Variants in CACNA2D3 observed in about 807,000 individuals in gnomAD.
CACNA2D3 encodes calcium voltage-gated channel auxiliary subunit alpha2delta 3.
In CACNA2D3, 60 loss-of-function variants were observed where a neutral mutation model predicts 160.6. The ratio of observed to expected loss-of-function variants is 0.37; its 90% CI spans 0.30 to 0.46. The LOEUF is 0.46. Among genes scored for constraint, CACNA2D3 ranks in the 20% least tolerant of loss-of-function variants. The pLI, the probability that CACNA2D3 is intolerant of heterozygous loss-of-function variation, is 1.00. For synonymous variants in CACNA2D3, 558 were observed against 492.9 expected (o/e 1.13, Z -1.75); for missense variants, 1,205 against 1,365.0 (o/e 0.88, Z 1.85).
chr3:54,439,000 G>A (rs1202297184), intron 4 of CACNA2D3, among the ~76,000 whole-genome samples: 1 of 152,156 alleles, frequency 6.6e-6, no homozygotes, highest in East Asian at 1.9e-4. Context: ...CCAATCAGTC[G>A]ACCAGGTGTG....
chr3:54,685,278 A>G (rs1455943134), intron 11 of CACNA2D3, among the ~76,000 whole-genome samples: 5 of 152,224 alleles, frequency 3.3e-5, no homozygotes, highest in African/African-American at 9.6e-5. Flanking sequence ...GTTTTTCTGC[A>G]AAGTGCCAGA....
At chr3:54,640,149 T>C (rs1450341566) in intron 10 of CACNA2D3, among the ~76,000 whole-genome samples, 1 of 152,198 alleles carries the variant, frequency 6.6e-6, no homozygotes, top group Non-Finnish European at 1.5e-5. Flanking sequence ...CATCTGGGCG[T>C]GTACGTGCAT....
At chr3:54,839,108 A>G (rs1303170987) in intron 16 of CACNA2D3, among the ~76,000 whole-genome samples, 1 of 152,108 alleles carries the variant, frequency 6.6e-6, no homozygotes, top group Non-Finnish European at 1.5e-5. Flanking sequence ...ATACAAAACA[A>G]TTAGCCGGTC....
chr3:54,642,905 C>T (rs1217642893), intron 11 of CACNA2D3, among the ~76,000 whole-genome samples: 1 of 152,062 alleles, frequency 6.6e-6, no homozygotes, highest in African/African-American at 2.4e-5. Flanking sequence ...TTATGTGTAT[C>T]CTACCCCACC....
chr3:55,032,646 C>T (rs759788608), intron 35 of CACNA2D3, among the ~76,000 whole-genome samples: 4 of 152,142 alleles, frequency 2.6e-5, no homozygotes, highest in Non-Finnish European at 5.9e-5. Flanking sequence ...CAGCAAGTCA[C>T]TTCCCCTCTT....
At chr3:54,193,002 A>G (rs79855560) in intron 2 of CACNA2D3, among the ~76,000 whole-genome samples, 3,466 of 152,310 alleles carry the variant, frequency 0.023, 204 homozygotes, top group East Asian at 0.17. Context: ...CATACCTGGG[A>G]TGAGGAGGCT....
chr3:54,665,466 T>C (rs1398294938), intron 11 of CACNA2D3, among the ~76,000 whole-genome samples: 2 of 152,224 alleles, frequency 1.3e-5, no homozygotes, highest in Admixed American at 6.5e-5. Context: ...CCACAGAACT[T>C]GGAAATGAAA....
intron 17 of CACNA2D3, among the ~76,000 whole-genome samples, chr3:54,865,736 G>A (rs1699387567): frequency 6.6e-6 from 1 of 152,220 alleles, no homozygotes; most frequent in Admixed American, 6.5e-5. Context: ...CATGGGGGCA[G>A]GGGCTGCTGC....
intron 17 of CACNA2D3, among the ~76,000 whole-genome samples, chr3:54,866,982 A>G (rs1233473876): frequency 6.6e-6 from 1 of 152,204 alleles, no homozygotes; most frequent in East Asian, 1.9e-4. Flanking sequence ...TTCGTAAAAC[A>G]GGCACCAAAA....
intron 17 of CACNA2D3, among the ~76,000 whole-genome samples, chr3:54,847,621 G>T (rs1698964345): frequency 6.6e-6 from 1 of 152,324 alleles, no homozygotes; most frequent in East Asian, 1.9e-4. Flanking sequence ...CCATATGCAT[G>T]CTTTAAGATG....
At chr3:54,287,878 C>T (rs201324442) in intron 2 of CACNA2D3, among the ~76,000 whole-genome samples, 24 of 149,758 alleles carry the variant, frequency 1.6e-4, no homozygotes, top group African/African-American at 2.9e-4. Context: ...TTGAAACCAA[C>T]GAGAACAAAG....
chr3:54,245,357 G>T (rs1702052846), intron 2 of CACNA2D3, among the ~76,000 whole-genome samples: 1 of 151,964 alleles, frequency 6.6e-6, no homozygotes, highest in African/African-American at 2.4e-5. Flanking sequence ...GAGTGCGAGA[G>T]AATGAGAATG....
At chr3:54,745,575 G>T (rs939832904) in intron 11 of CACNA2D3, among the ~76,000 whole-genome samples, 6 of 152,206 alleles carry the variant, frequency 3.9e-5, no homozygotes, top group Non-Finnish European at 2.9e-5. Flanking sequence ...AATGAATTCA[G>T]TGGAGCTGGA....
chr3:54,597,330 T>G (rs1359001663), intron 9 of CACNA2D3, among the ~76,000 whole-genome samples: 1 of 152,134 alleles, frequency 6.6e-6, no homozygotes, highest in Non-Finnish European at 1.5e-5. Flanking sequence ...CTACCTCCCC[T>G]TCTCCATATC....
At chr3:54,350,185 C>CT (rs1162649064) in intron 3 of CACNA2D3, among the ~76,000 whole-genome samples, 6 of 152,058 alleles carry the variant, frequency 3.9e-5, no homozygotes, top group African/African-American at 7.2e-5. Context: ...GTCTCCTCCT[C>CT]TTTTTTTTAT....
At chr3:54,717,526 G>T (rs1184826728) in intron 11 of CACNA2D3, among the ~76,000 whole-genome samples, 3 of 150,144 alleles carry the variant, frequency 2.0e-5, no homozygotes, top group East Asian at 2.0e-4. Flanking sequence ...GTGTGTGTGT[G>T]GTGTGTGTGT....
At chr3:55,073,651 A>G (rs1704870711) in intron 36 of CACNA2D3, 94 bp downstream of exon 36, 2 of 1,270,962 alleles carry the variant, frequency 1.6e-6, no homozygotes, top group South Asian at 2.5e-5. Context: ...TAGAGAAGGA[A>G]AATTACATCC....
chr3:54,639,711 C>G (rs1166372729), intron 10 of CACNA2D3: 1 of 186,484 alleles, frequency 5.4e-6, no homozygotes, highest in African/African-American at 2.4e-5. Flanking sequence ...GGGGATTGAT[C>G]TCCCAAGGGA....
At chr3:54,703,207 C>G (rs1168252459) in intron 11 of CACNA2D3, among the ~76,000 whole-genome samples, 1 of 151,602 alleles carries the variant, frequency 6.6e-6, no homozygotes, top group African/African-American at 2.4e-5. Context: ...AACAAACTTG[C>G]ACATGTACCC....
Sources: allele counts gnomAD v4.1 joint callset (sites outside exome capture counted in the v4.1 genomes callset), GRCh38; gene constraint gnomAD v4.1.1; transcripts MANE v1.5; gene names NCBI Gene and HGNC (gene_info 2026-07-23, HGNC 2026-07-21).